Variants in DNAH3 observed in about 807,000 individuals in gnomAD.
The protein encoded by DNAH3 is dynein axonemal heavy chain 3, also known as axonemal beta dynein heavy chain 3.
A neutral mutation model predicts 432.5 loss-of-function variants in DNAH3; 332 were observed. The observed-to-expected ratio is 0.77, with a 90% CI of 0.70 to 0.84. The LOEUF is 0.84. Among genes scored for constraint, DNAH3 ranks in the 40% least tolerant of loss-of-function variants. DNAH3 has a pLI of 0.00. For missense variants in DNAH3, 4,861 were observed against 5,114.0 expected (o/e 0.95, Z 1.51); for synonymous variants, 1,956 against 1,900.2 (o/e 1.03, Z -0.76).
chr16:20,987,322 T>C (rs1428044009), exon 47 of DNAH3: 1 of 1,614,060 alleles, frequency 6.2e-7, no homozygotes, highest in Non-Finnish European at 8.5e-7. Context: ...ATGGTCTGCT[T>C]GAAGCAATTG....
rs558579663 is a variant in DNAH3 at position 21,134,034 on chromosome 16, T to A, written c.1082+225A>T. 153 of 448,194 alleles carry A rather than the reference T, an allele frequency of 3.4e-4. 1 individual carries two copies. The highest frequency in any genetic ancestry group is 2.8e-3 in the African/African-American group (140 of 50,632). The allele number at this position is 448,194 out of a possible 1,614,324, so 27.8% of individuals were successfully genotyped here. A position where few individuals can be genotyped will look rare whatever the true frequency, so the allele number is the denominator to read the frequency against. ...TGTGCAATTAAGCAGGATATTCCAG[T>A]GCTTAGAGACAGGCACAGGGTGCCC... On this transcript the variant is annotated intron_variant, in intron 7 of 61. Coordinates refer to ENST00000261383, the Ensembl canonical transcript of DNAH3.
At chr16:21,099,425 T>C (rs2091780273) in intron 16 of DNAH3, among the ~76,000 whole-genome samples, 2 of 152,214 alleles carry the variant, frequency 1.3e-5, no homozygotes, top group African/African-American at 4.8e-5. Context: ...AGTGGAGGGC[T>C]ACTGTAGCTA....
At position 20,952,520 on chromosome 16, in the gene DNAH3, AT is replaced by A; in HGVS notation, c.11100del (p.Glu3700AspfsTer4). 6.2e-7 allele frequency: 1 copy of A among 1,612,656 alleles called. No homozygotes were observed. Among genetic ancestry groups the A allele is most frequent in the Non-Finnish European group, 8.5e-7 (1 of 1,178,736 alleles). On this transcript the variant is annotated frameshift_variant, in exon 56 of 62. Coordinates refer to ENST00000261383, the Ensembl canonical transcript of DNAH3. LOFTEE classifies it high-confidence loss of function. Reference sequence around the variant, plus strand: ...TGCCACATACTAATCCTCAGGTCAGATTCGTTGAATTCATAGGGAATATTCC... The same window carrying A: ...TGCCACATACTAATCCTCAGGTCAGATCGTTGAATTCATAGGGAATATTCC...
Position 20,948,439 on chromosome 16 carries a change from A to T in DNAH3, c.11343+44T>A, listed in dbSNP as rs1417524441. On this transcript the variant is annotated intron_variant, in intron 57 of 61. Transcript: ENST00000261383. ...CCCTGTAGCCATATAGAGATGACGG[A>T]GCCCTGTGGGGGAAAGAGGTAGGCC... 5.0e-6 allele frequency: 8 copies of T among 1,594,442 alleles called. No homozygotes were observed. In the East Asian group the frequency reaches 1.3e-4, roughly 27 times the overall value.
chr16:21,051,867 G>C (rs750868766), exon 29 of DNAH3: 40 of 1,614,068 alleles, frequency 2.5e-5, no homozygotes, highest in Non-Finnish European at 3.4e-5. Context: ...CCACGTCGCG[G>C]GCTGTTGGGA....
chr16:21,081,236 T>C (rs2091173855), intron 20 of DNAH3, among the ~76,000 whole-genome samples: 1 of 152,138 alleles, frequency 6.6e-6, no homozygotes, highest in Non-Finnish European at 1.5e-5. Flanking sequence ...GACTTCTTAT[T>C]GGACCAGGTT....
At chr16:21,137,228 G>C (rs2092655637) in intron 5 of DNAH3, among the ~76,000 whole-genome samples, 1 of 149,038 alleles carries the variant, frequency 6.7e-6, no homozygotes, top group African/African-American at 2.5e-5. Flanking sequence ...TGCCTTCTAA[G>C]GTAGCTCAGA....
chr16:21,132,554 G>A (rs75750441), intron 7 of DNAH3, among the ~76,000 whole-genome samples: 5,683 of 152,236 alleles, frequency 0.037, 180 homozygotes, highest in East Asian at 0.18. Flanking sequence ...TTAGTATGCC[G>A]CCATAAAAAG....
At chr16:21,057,983 G>C (rs528585918) in intron 27 of DNAH3, 103 bp downstream of exon 27, 2 of 770,582 alleles carry the variant, frequency 2.6e-6, no homozygotes, top group Admixed American at 1.9e-5. Context: ...GAGACCAAAT[G>C]ATTTTTGTTT....
intron 27 of DNAH3, among the ~76,000 whole-genome samples, chr16:21,057,725 G>A (rs2090185023): frequency 6.6e-6 from 1 of 152,160 alleles, no homozygotes; most frequent in African/African-American, 2.4e-5. Context: ...ATGAGAAGGA[G>A]GCTGTAAAGG....
At position 21,130,596 on chromosome 16, in the gene DNAH3, C is replaced by T. The variant is rs147083996; in HGVS notation, c.1083-2784G>A. ...CTGGGATTACAGGCATGAGCCACCA[C>T]GCCCAGGCTCTCATTGCTGATTTTT... On this transcript the variant is annotated intron_variant, in intron 7 of 61. Transcript: ENST00000261383. 5.5e-3 allele frequency among the ~76,000 whole-genome samples: 833 copies of T among 152,242 alleles called. 6 individuals are homozygous for T. Among genetic ancestry groups the T allele is most frequent in the African/African-American group, 0.018 (731 of 41,546 alleles).
chr16:21,108,931 G>T (rs1463436732), intron 14 of DNAH3, among the ~76,000 whole-genome samples: 1 of 151,994 alleles, frequency 6.6e-6, no homozygotes, highest in African/African-American at 2.4e-5. Context: ...AGACTAGGCT[G>T]ACCAGCATGG....
exon 48 of DNAH3, chr16:20,985,506 G>A (rs2086147548): frequency 1.2e-6 from 2 of 1,614,008 alleles, no homozygotes; most frequent in Admixed American, 1.7e-5. Context: ...TGTGCTCAAT[G>A]GCAAACCTGA....
In DNAH3 at chr16:21,146,157, G is replaced by C. The variant is rs1423223875; in HGVS notation, c.118-69C>G. 5.0e-6 allele frequency: 5 copies of C among 1,007,600 alleles called. No individual in the cohort carries two copies. In the Admixed American group the frequency reaches 9.5e-5, roughly 19 times the overall value. The allele number at this position is 1,007,600 out of a possible 1,614,324, so 62.4% of individuals were successfully genotyped here. A position where few individuals can be genotyped will look rare whatever the true frequency, so the allele number is the denominator to read the frequency against. ...GATTTGCAAGCCTCTGAGTTGGTTA[G>C]GACTAAAGAGGTCCCCAGGAAAAGT... On this transcript the variant is annotated intron_variant, in intron 1 of 61. Transcript: ENST00000261383.
exon 8 of DNAH3, chr16:21,127,752 C>A: frequency 6.2e-7 from 1 of 1,614,162 alleles, no homozygotes; most frequent in African/African-American, 1.3e-5. Context: ...ATTCCTGAGG[C>A]TGCAGAGGCA....
At chr16:21,067,371 C>T (rs767156107) in exon 24 of DNAH3, 13 of 1,613,920 alleles carry the variant, frequency 8.1e-6, no homozygotes, top group Non-Finnish European at 1.0e-5. Context: ...TGAAGCTTCT[C>T]TGCCATCCGT....
At chr16:20,963,935 T>A (rs1209958340) in exon 53 of DNAH3, 2 of 1,614,142 alleles carry the variant, frequency 1.2e-6, no homozygotes. Flanking sequence ...TACTGGTACA[T>A]CGGCTCGATG....
chr16:21,028,863 C>T (rs577657209), intron 37 of DNAH3, among the ~76,000 whole-genome samples: 33 of 152,234 alleles, frequency 2.2e-4, no homozygotes, highest in African/African-American at 7.5e-4. Context: ...AGAGGAAATA[C>T]GACTGATTCA....
At chr16:21,051,849 C>T (rs1156649963) in exon 29 of DNAH3, 4 of 1,614,040 alleles carry the variant, frequency 2.5e-6, no homozygotes, top group African/African-American at 1.3e-5. Flanking sequence ...CCTCAGATAA[C>T]TTGGCCACCA....
Sources: gnomAD v4.1 joint callset for allele counts (sites outside exome capture counted in the v4.1 genomes callset) on GRCh38, gnomAD v4.1.1 for gene constraint, MANE v1.5 for transcripts, NCBI Gene and HGNC (gene_info 2026-07-23, HGNC 2026-07-21) for gene names.